The following SYT1 variants were observed in gnomAD, a reference collection of about 807,000 sequenced individuals.
SYT1 encodes synaptotagmin-1.
A neutral mutation model predicts 44.8 loss-of-function variants in SYT1; 8 were observed. The observed-to-expected ratio is 0.18, with a 90% CI of 0.10 to 0.32. The LOEUF (loss-of-function observed/expected upper bound fraction) is 0.32. Among genes scored for constraint, SYT1 ranks in the 10% least tolerant of loss-of-function variants. The pLI, the probability that SYT1 is intolerant of heterozygous loss-of-function variation, is 1.00. For missense variants in SYT1, 286 were observed against 509.3 expected, an observed-to-expected ratio of 0.56 and a Z score of 4.22; for synonymous variants, 154 against 188.8, an observed-to-expected ratio of 0.82 and a Z score of 1.51.
chr12:79,205,133 T>C (rs1436171003), intron 3 of SYT1, among the ~76,000 whole-genome samples: 2 of 151,838 alleles, frequency 1.3e-5, no homozygotes, highest in Non-Finnish European at 2.9e-5. Flanking sequence ...ACTGGCTAAT[T>C]TTTTGTAATT....
intron 3 of SYT1, among the ~76,000 whole-genome samples, chr12:79,092,616 T>A (rs1266851483): frequency 2.0e-5 from 3 of 151,846 alleles, no homozygotes; most frequent in Non-Finnish European, 4.4e-5. Context: ...TAATAATTCT[T>A]ATTCTGCTTG....
At position 79,219,839 on chromosome 12, in the gene SYT1, C is replaced by G. The variant is rs562444086; in HGVS notation, c.166+2154C>G. Among the ~76,000 whole-genome samples, 10 of 152,050 alleles carry G rather than the reference C, an allele frequency of 6.6e-5. No homozygotes were observed. In the East Asian group the frequency reaches 1.4e-3, roughly 21 times the overall value. ...TTCTTTTTGCTCAAGATTACTTTGG[C>G]TATTTAGGGATTTGTGTGGTTCCAT... On this transcript the variant is annotated intron_variant, in intron 4 of 10. Transcript: ENST00000261205.
intron 9 of SYT1, among the ~76,000 whole-genome samples, chr12:79,435,946 T>C (rs1291356408): frequency 6.6e-6 from 1 of 152,110 alleles, no homozygotes; most frequent in Non-Finnish European, 1.5e-5. Flanking sequence ...GCTTTAAGGA[T>C]ATCTATGGAA....
At chr12:78,922,042 T>C (rs1180374435) in intron 1 of SYT1, among the ~76,000 whole-genome samples, 7 of 151,950 alleles carry the variant, frequency 4.6e-5, no homozygotes, top group Non-Finnish European at 8.8e-5. Flanking sequence ...AAATATTTTA[T>C]CTTGCATCAA....
intron 1 of SYT1, among the ~76,000 whole-genome samples, chr12:78,939,752 C>T (rs61929228): frequency 0.059 from 8,954 of 152,214 alleles, 291 homozygotes; most frequent in Admixed American, 0.089. Flanking sequence ...TTTTTATAAG[C>T]ATGACATTGG....
rs1869678684 is a variant in SYT1, at chr12:78,986,888, G to A, written c.-84+8957G>A. On this transcript the variant is annotated intron_variant, in intron 2 of 10. Coordinates refer to ENST00000261205, the MANE Select transcript of SYT1 (RefSeq NM_005639.3). ...GCATTGTCAGTCTCAGAAAACAGGTGGAAAATTGCCTCAGTGTTTCTGATA... is the reference window on the plus strand; with the variant it reads ...GCATTGTCAGTCTCAGAAAACAGGTAGAAAATTGCCTCAGTGTTTCTGATA... Among the ~76,000 whole-genome samples, 3 of 152,064 alleles carry A rather than the reference G, an allele frequency of 2.0e-5. No homozygotes were observed. The South Asian group carries it at 6.2e-4, about 32-fold the overall frequency.
At chr12:79,205,176 A>G (rs1049127389) in intron 3 of SYT1, among the ~76,000 whole-genome samples, 1 of 151,946 alleles carries the variant, frequency 6.6e-6, no homozygotes, top group African/African-American at 2.4e-5. Flanking sequence ...GTTAGCCAGG[A>G]TGGTCTCAAT....
chr12:79,068,940 T>C (rs1451015904), intron 3 of SYT1, among the ~76,000 whole-genome samples: 1 of 152,146 alleles, frequency 6.6e-6, no homozygotes, highest in Non-Finnish European at 1.5e-5. Flanking sequence ...CAACATATCA[T>C]AAATAATGAT....
At chr12:79,192,020 A>G (rs1489988254) in intron 3 of SYT1, among the ~76,000 whole-genome samples, 1 of 152,190 alleles carries the variant, frequency 6.6e-6, no homozygotes, top group Non-Finnish European at 1.5e-5. Context: ...ATCCACCCCT[A>G]TAACTTCCCC....
intron 1 of SYT1, among the ~76,000 whole-genome samples, chr12:78,910,621 G>A (rs910487631): frequency 1.3e-5 from 2 of 151,960 alleles, no homozygotes; most frequent in Non-Finnish European, 2.9e-5. Flanking sequence ...CACGCAACAA[G>A]CAAAGCCCTT....
At position 79,407,762 on chromosome 12, in the gene SYT1, C is replaced by G. The variant is rs142426954; in HGVS notation, c.929-36311C>G. On this transcript the variant is annotated intron_variant, in intron 9 of 10. Transcript: ENST00000261205. ...AATTTGCTGTGGTTTTTGCAACTCTCTTACGCACAGTCCAAGCAAAGAACA... is the reference window on the plus strand; with the variant it reads ...AATTTGCTGTGGTTTTTGCAACTCTGTTACGCACAGTCCAAGCAAAGAACA... 2.3e-3 allele frequency among the ~76,000 whole-genome samples: 350 copies of G among 152,204 alleles called. 1 individual carries two copies. Among genetic ancestry groups the G allele is most frequent in the Middle Eastern group, 0.01 (3 of 294 alleles).
Position 79,274,667 on chromosome 12 carries a change from A to T in SYT1, c.167-11120A>T, listed in dbSNP as rs1348392379. ...TTTTGAGAGTTCGATGGCCCCACCC[A>T]TCTCCTGGGATATCTGAGTACTCTT... On this transcript the variant is annotated intron_variant, in intron 4 of 10. Transcript: ENST00000261205. Among the ~76,000 whole-genome samples the T allele has an allele frequency of 2.0e-5, 3 of 152,028 alleles. No homozygotes were observed. The East Asian group carries it at 5.8e-4, about 29-fold the overall frequency.
intron 8 of SYT1, among the ~76,000 whole-genome samples, chr12:79,318,045 A>AAAAATGTATGGTTCCCTAAATGCACT (rs1881181389): frequency 6.6e-6 from 1 of 152,346 alleles, no homozygotes; most frequent in South Asian, 2.1e-4. Context: ...GAAAGCTACC[A>AAAAATGTATGGTTCCCTAAATGCACT]AAAATGTATG....
intron 2 of SYT1, among the ~76,000 whole-genome samples, chr12:78,988,076 A>C (rs1043849869): frequency 1.3e-5 from 2 of 152,030 alleles, no homozygotes; most frequent in African/African-American, 4.8e-5. Context: ...AAGAAATCAA[A>C]CCTGTCATCT....
At chr12:79,193,135 GA>G (rs1304867135) in intron 3 of SYT1, among the ~76,000 whole-genome samples, 2 of 152,088 alleles carry the variant, frequency 1.3e-5, no homozygotes, top group South Asian at 2.1e-4. Context: ...ATAAATCCAG[GA>G]AACAATTTTT....
At chr12:79,154,709 AAC>A (rs1276066031) in intron 3 of SYT1, among the ~76,000 whole-genome samples, 1 of 152,168 alleles carries the variant, frequency 6.6e-6, no homozygotes, top group Non-Finnish European at 1.5e-5. Flanking sequence ...GAGAACTTCA[AAC>A]ACTTCGTGAA....
chr12:78,909,954 C>T (rs1189991490), intron 1 of SYT1, among the ~76,000 whole-genome samples: 1 of 151,906 alleles, frequency 6.6e-6, no homozygotes, highest in Admixed American at 6.6e-5. Context: ...TACTGATGCC[C>T]TAGTACCATC....
chr12:79,304,940 T>A (rs1880321106), intron 8 of SYT1, among the ~76,000 whole-genome samples: 1 of 152,162 alleles, frequency 6.6e-6, no homozygotes, highest in Non-Finnish European at 1.5e-5. Flanking sequence ...ATAGATGTGT[T>A]TTATTTTTTA....
intron 1 of SYT1, among the ~76,000 whole-genome samples, chr12:78,885,729 G>A (rs1019095622): frequency 1.3e-5 from 2 of 151,978 alleles, no homozygotes; most frequent in East Asian, 1.9e-4. Context: ...AGGCCCTGGG[G>A]TGACTATGGT....
Sources: gnomAD v4.1 joint callset for allele counts (sites outside exome capture counted in the v4.1 genomes callset) on GRCh38, gnomAD v4.1.1 for gene constraint, MANE v1.5 for transcripts, NCBI Gene and HGNC (gene_info 2026-07-23, HGNC 2026-07-21) for gene names.